SOX5: variants seen among roughly 807,000 people sequenced by gnomAD.
SOX5 encodes the protein transcription factor SOX-5.
Under a neutral mutation model 92.0 loss-of-function variants are expected in SOX5, and 9 were observed. The ratio of observed to expected loss-of-function variants is 0.10; its 90% confidence interval spans 0.06 to 0.17. The LOEUF (loss-of-function observed/expected upper bound fraction) is 0.17, where lower values mean the gene tolerates loss of function less well. Among genes scored for constraint, SOX5 ranks in the 10% least tolerant of loss-of-function variants. The pLI, the probability that SOX5 is intolerant of heterozygous loss-of-function variation, is 1.00. For synonymous variants in SOX5, 344 were observed against 336.3 expected (o/e 1.02, Z -0.25); for missense variants, 642 against 944.5 (o/e 0.68, Z 4.20).
At chr12:23,559,623 C>A (rs1565814289) in intron 11 of SOX5, among the ~76,000 whole-genome samples, 1 of 152,198 alleles carries the variant, frequency 6.6e-6, no homozygotes, top group Non-Finnish European at 1.5e-5. Context: ...CCAATTACAG[C>A]TTTTCAGAAT....
intron 4 of SOX5, among the ~76,000 whole-genome samples, chr12:24,159,763 TGA>T: frequency 6.6e-6 from 1 of 152,102 alleles, no homozygotes; most frequent in Admixed American, 6.6e-5. Context: ...CACTCAAATA[TGA>T]GTAATTGACA....
intron 1 of SOX5, among the ~76,000 whole-genome samples, chr12:24,411,889 C>T (rs1964161096): frequency 1.3e-5 from 2 of 152,016 alleles, no homozygotes; most frequent in Non-Finnish European, 2.9e-5. Context: ...GTAGAATTAT[C>T]TAGTAAAACC....
At chr12:24,363,447 A>G (rs974092743) in intron 2 of SOX5, among the ~76,000 whole-genome samples, 1 of 152,182 alleles carries the variant, frequency 6.6e-6, no homozygotes, top group Non-Finnish European at 1.5e-5. Context: ...ACCATTTACA[A>G]TATTGAGTAG....
At chr12:24,521,934 G>GA (rs770265423) in intron 1 of SOX5, among the ~76,000 whole-genome samples, 1 of 150,626 alleles carries the variant, frequency 6.6e-6, no homozygotes, top group Non-Finnish European at 1.5e-5. Context: ...CAGGAGGAAA[G>GA]AAAAAAGAGA....
intron 2 of SOX5, among the ~76,000 whole-genome samples, chr12:23,856,475 C>T (rs2096690848): frequency 6.6e-6 from 1 of 151,978 alleles, no homozygotes; most frequent in Admixed American, 6.6e-5. Flanking sequence ...GAGAAATTCC[C>T]TGAAAAATGT....
rs566305063 is a variant in SOX5 at position 24,209,928 on chromosome 12, G to A, written c.-2+3415C>T. On this transcript the variant is annotated intron_variant, in intron 4 of 4. Coordinates refer to the SOX5 transcript ENST00000446891. Reference sequence around the variant, plus strand: ...AGCTACTTGGGAGGCTGAGACAGGAGAATGGCATGAACCCGGGAGGCGGAG... The same window carrying A: ...AGCTACTTGGGAGGCTGAGACAGGAAAATGGCATGAACCCGGGAGGCGGAG... 4.6e-3 allele frequency among the ~76,000 whole-genome samples: 664 copies of A among 143,104 alleles called. 3 individuals carry two copies. Among genetic ancestry groups the A allele is most frequent in the Admixed American group, 9.1e-3 (128 of 14,070 alleles). The allele number at this position is 143,104 out of a possible 152,430, so 93.9% of individuals were successfully genotyped here.
At chr12:23,872,677 T>G (rs982757819) in intron 2 of SOX5, among the ~76,000 whole-genome samples, 1 of 152,230 alleles carries the variant, frequency 6.6e-6, no homozygotes, top group African/African-American at 2.4e-5. Context: ...GCAAACATAA[T>G]AACATTTAGC....
At chr12:24,168,485 C>A (rs1953681589) in intron 4 of SOX5, among the ~76,000 whole-genome samples, 1 of 152,098 alleles carries the variant, frequency 6.6e-6, no homozygotes, top group East Asian at 1.9e-4. Context: ...AATAGAGATA[C>A]TAAAATAAGC....
chr12:24,468,571 G>A (rs1192360317), intron 1 of SOX5, among the ~76,000 whole-genome samples: 1 of 152,102 alleles, frequency 6.6e-6, no homozygotes, highest in East Asian at 1.9e-4. Context: ...ATGCACTCAG[G>A]TTAGAGGGGT....
intron 11 of SOX5, among the ~76,000 whole-genome samples, chr12:23,558,205 C>T (rs1206459585): frequency 1.3e-5 from 2 of 152,132 alleles, no homozygotes; most frequent in Non-Finnish European, 2.9e-5. Context: ...AAGATATCCC[C>T]TGATCTCAGA....
chr12:23,840,080 A>G (rs2096493860), intron 3 of SOX5, among the ~76,000 whole-genome samples: 1 of 152,062 alleles, frequency 6.6e-6, no homozygotes, highest in Non-Finnish European at 1.5e-5. Context: ...TCTACGTAGA[A>G]AATTTCAAGG....
At chr12:24,524,379 CTAT>C (rs1566385799) in intron 1 of SOX5, among the ~76,000 whole-genome samples, 5 of 152,118 alleles carry the variant, frequency 3.3e-5, no homozygotes, top group Admixed American at 1.3e-4. Context: ...ATCTATCTAT[CTAT>C]CTATCCATCC....
At chr12:24,459,097 T>C (rs1212736628) in intron 1 of SOX5, among the ~76,000 whole-genome samples, 1 of 152,154 alleles carries the variant, frequency 6.6e-6, no homozygotes, top group Non-Finnish European at 1.5e-5. Flanking sequence ...TTGTTTCCGT[T>C]CCCCCTCTCC....
At chr12:24,306,609 A>G (rs778053307) in intron 2 of SOX5, among the ~76,000 whole-genome samples, 66 of 152,208 alleles carry the variant, frequency 4.3e-4, no homozygotes, top group Admixed American at 7.9e-4. Flanking sequence ...GGAGAAAGAC[A>G]AAGAATGCTG....
chr12:24,324,285 C>T (rs960613948), intron 2 of SOX5, among the ~76,000 whole-genome samples: 1 of 151,940 alleles, frequency 6.6e-6, no homozygotes, highest in African/African-American at 2.4e-5. Context: ...AAAAAAAAAT[C>T]AAGGTTCAGA....
chr12:24,282,013 TG>T (rs1945268621), intron 2 of SOX5, among the ~76,000 whole-genome samples: 1 of 152,160 alleles, frequency 6.6e-6, no homozygotes, highest in Admixed American at 6.6e-5. Context: ...TTCAGAGATT[TG>T]TAAGAATATT....
At chr12:24,536,512 A>G (rs1951656291) in intron 1 of SOX5, among the ~76,000 whole-genome samples, 1 of 152,196 alleles carries the variant, frequency 6.6e-6, no homozygotes, top group Non-Finnish European at 1.5e-5. Context: ...AACGAGTCCT[A>G]TTAAAATAAT....
intron 2 of SOX5, among the ~76,000 whole-genome samples, chr12:23,849,048 T>C (rs2096603618): frequency 6.6e-6 from 1 of 152,218 alleles, no homozygotes; most frequent in Non-Finnish European, 1.5e-5. Context: ...AGAATATTGC[T>C]ATGAACACGT....
intron 6 of SOX5, among the ~76,000 whole-genome samples, chr12:23,665,975 A>T (rs1593095450): frequency 6.6e-6 from 1 of 152,124 alleles, no homozygotes; most frequent in East Asian, 1.9e-4. Context: ...AACTAACTAA[A>T]CCTGTATCAT....
Sources: gnomAD v4.1 joint callset for allele counts (sites outside exome capture counted in the v4.1 genomes callset) on GRCh38, gnomAD v4.1.1 for gene constraint, MANE v1.5 for transcripts, NCBI Gene and HGNC (gene_info 2026-07-23, HGNC 2026-07-21) for gene names.